ZNF462: variants seen among roughly 807,000 people sequenced by gnomAD.
ZNF462 encodes the protein zinc finger protein 462, also known as zinc finger PBX1-interacting protein.
ZNF462 carries 10 observed loss-of-function variants against 201.9 expected under a neutral mutation model. That is an observed-to-expected ratio of 0.05 (90% confidence interval 0.03 to 0.08). ZNF462 has a LOEUF of 0.08. Ranked by LOEUF, ZNF462 falls within the 10% of genes least tolerant of loss-of-function variation. ZNF462 has a pLI of 1.00. For synonymous variants in ZNF462, 1,227 were observed against 1,193.3 expected (o/e 1.03, Z -0.58); for missense variants, 2,523 against 3,168.3 (o/e 0.80, Z 4.89).
intron 6 of ZNF462, among the ~76,000 whole-genome samples, chr9:106,936,202 A>G: frequency 6.6e-6 from 1 of 152,214 alleles, no homozygotes; most frequent in Non-Finnish European, 1.5e-5. Flanking sequence ...ACAGTCAGTC[A>G]TCTATAATCT....
intron 1 of ZNF462, among the ~76,000 whole-genome samples, chr9:106,912,232 A>G (rs928541881): frequency 1.3e-5 from 2 of 148,594 alleles, no homozygotes; most frequent in Non-Finnish European, 3.0e-5. Context: ...TAAAGCTACT[A>G]CATAACATTG....
chr9:106,886,654 A>G lies in ZNF462; in HGVS notation c.-31+23299A>G, dbSNP rs1485220080. ...TCATCCCACTTAACCCCTTCATTTT[A>G]CAGCTCTGGAAAGGCTGAAATGATG... On this transcript the variant is annotated intron_variant, in intron 1 of 12. Transcript: ENST00000277225. The surrounding 1 kb of genome is among the most constrained non-coding windows in gnomAD (Gnocchi z 4.6). 6.6e-6 allele frequency among the ~76,000 whole-genome samples: 1 copy of G among 152,194 alleles called. No individual in the cohort carries two copies. The highest frequency in any genetic ancestry group is 2.4e-5 in the African/African-American group (1 of 41,448).
At position 106,923,633 on chromosome 9, in the gene ZNF462, A is replaced by G; in HGVS notation, c.220+30A>G. Reference sequence around the variant, plus strand: ...ATCTATACTAAACTTGGCACGGCCGATGTATTTTAATTGCTCTTGTTTCCT... The same window carrying G: ...ATCTATACTAAACTTGGCACGGCCGGTGTATTTTAATTGCTCTTGTTTCCT... On this transcript the variant is annotated intron_variant, in intron 2 of 12. Transcript: ENST00000277225. This position sits in a 1 kb window ranked among gnomAD's most constrained non-coding sequence, Gnocchi z 5.6. The G allele has an allele frequency of 6.3e-7, 1 of 1,598,958 alleles. No individual in the cohort carries two copies. Among genetic ancestry groups the G allele is most frequent in the Non-Finnish European group, 8.6e-7 (1 of 1,166,552 alleles).
At chr9:106,892,317 G>A (rs773333191) in intron 1 of ZNF462, among the ~76,000 whole-genome samples, 3 of 152,124 alleles carry the variant, frequency 2.0e-5, no homozygotes, top group Non-Finnish European at 2.9e-5. Flanking sequence ...AGATTAGGTA[G>A]CTATATACGT....
At chr9:106,903,806 A>C (rs550669726) in intron 1 of ZNF462, among the ~76,000 whole-genome samples, 2 of 152,150 alleles carry the variant, frequency 1.3e-5, no homozygotes, top group African/African-American at 2.4e-5. Flanking sequence ...AATTTATGTA[A>C]GTCCTTATGT....
At position 107,010,190 on chromosome 9, in the gene ZNF462, C is replaced by G. The variant is rs1174278621; in HGVS notation, c.7313+522C>G. On this transcript the variant is annotated intron_variant, in intron 12 of 12. Transcript: ENST00000277225. The surrounding 1 kb of genome is among the most constrained non-coding windows in gnomAD (Gnocchi z 4.6). ...CCCCTCAACAAGGCACGTTAGTCCA[C>G]CAGATGCAGAGAGAACCTAGGATGT... is the stretch of plus-strand genomic sequence containing the variant. Among the ~76,000 whole-genome samples, 2 of 152,118 alleles carry G rather than the reference C, an allele frequency of 1.3e-5. No individual in the cohort carries two copies. Among genetic ancestry groups the G allele is most frequent in the Non-Finnish European group, 2.9e-5 (2 of 68,008 alleles).
chr9:106,889,715 A>C (rs1387474661), intron 1 of ZNF462, among the ~76,000 whole-genome samples: 1 of 152,206 alleles, frequency 6.6e-6, no homozygotes, highest in Non-Finnish European at 1.5e-5. Flanking sequence ...CTCTACAGAA[A>C]TGAAAGACCT....
intron 1 of ZNF462, among the ~76,000 whole-genome samples, chr9:106,871,073 A>G (rs1827569987): frequency 6.6e-6 from 1 of 152,232 alleles, no homozygotes; most frequent in Non-Finnish European, 1.5e-5. Flanking sequence ...GTGCCTTAAC[A>G]TTGTACTTAT....
In ZNF462 at chr9:106,928,441, A is replaced by T; in HGVS notation, c.4529A>T (p.Asn1510Ile). 1 of 1,614,140 alleles carries T rather than the reference A, an allele frequency of 6.2e-7. No individual in the cohort carries two copies. The highest frequency in any genetic ancestry group is 8.5e-7 in the Non-Finnish European group (1 of 1,180,030). ...AADFAQDIDI[N>I]PGAVYKCRHC... ...GACTTTGCCCAGGACATTGACATCA[A>T]CCCAGGTGCCGTCTACAAATGCAGG... Residue 1510 changes from asparagine (N) to isoleucine (I), a missense_variant, in exon 3 of 13, where the codon AAC becomes ATC. Physicochemically the swap from Asn to Ile is moderately radical, Grantham distance 149. Around this residue, in one of 15 missense-constraint regions of ZNF462, gnomAD observed 200 missense variants for 281.3 expected, o/e 0.71. Coordinates refer to ENST00000277225, the MANE Select transcript of ZNF462 (RefSeq NM_021224.6). This position sits in a 1 kb window ranked among gnomAD's most constrained non-coding sequence, Gnocchi z 9.3.
upstream of ZNF462, among the ~76,000 whole-genome samples, chr9:106,861,660 G>T (rs963738303): frequency 6.6e-6 from 1 of 152,190 alleles, no homozygotes; most frequent in African/African-American, 2.4e-5. Flanking sequence ...TTGCTGCATT[G>T]ATTTTTTTGA....
chr9:106,986,989 ATAG>A (rs1827890293), intron 10 of ZNF462, among the ~76,000 whole-genome samples: 1 of 128,798 alleles, frequency 7.8e-6, no homozygotes, highest in Non-Finnish European at 1.7e-5. Context: ...AGATAGATAG[ATAG>A]ATAGATAGAT....
chr9:106,934,695 A>G (rs139272661), intron 5 of ZNF462, among the ~76,000 whole-genome samples: 49 of 152,340 alleles, frequency 3.2e-4, no homozygotes, highest in African/African-American at 1.1e-3. Context: ...CCGTTCCCAC[A>G]TGAGGCATTT....
In ZNF462 at chr9:106,902,134, G is replaced by A. The variant is rs1829090143; in HGVS notation, c.-30-21220G>A. ...CCAAGCGTTTTAATCATAAAGGGAT[G>A]CTGGATTTTGTCGAATGCTTTTTCT... On this transcript the variant is annotated intron_variant, in intron 1 of 12. Transcript: ENST00000277225. This position sits in a 1 kb window ranked among gnomAD's most constrained non-coding sequence, Gnocchi z 4.2. Among the ~76,000 whole-genome samples the A allele has an allele frequency of 6.6e-6, 1 of 152,100 alleles. No homozygotes were observed. The highest frequency in any genetic ancestry group is 2.4e-5 in the African/African-American group (1 of 41,426).
chr9:106,878,292 A>AT (rs1332611268), intron 1 of ZNF462, among the ~76,000 whole-genome samples: 1 of 152,180 alleles, frequency 6.6e-6, no homozygotes, highest in African/African-American at 2.4e-5. Context: ...GGCCCAATAA[A>AT]TGGCCATCTC....
chr9:106,969,074 A>T (rs534749756), intron 7 of ZNF462, among the ~76,000 whole-genome samples: 1 of 152,314 alleles, frequency 6.6e-6, no homozygotes, highest in South Asian at 2.1e-4. Context: ...ATTCCACGTG[A>T]GCGAGAGCGA....
intron 9 of ZNF462, among the ~76,000 whole-genome samples, chr9:106,983,850 T>G (rs1398349400): frequency 6.6e-6 from 1 of 152,194 alleles, no homozygotes; most frequent in African/African-American, 2.4e-5. Context: ...TCATTAATGT[T>G]GGTAAAAATT....
chr9:107,002,969 T>A lies in ZNF462; in HGVS notation c.7057-325T>A, dbSNP rs1379857540. On this transcript the variant is annotated intron_variant, in intron 10 of 12. Coordinates refer to ENST00000277225, the MANE Select transcript of ZNF462 (RefSeq NM_021224.6). The stretch of plus-strand genomic sequence containing the variant: ...CCTTTGAATTCAACTACAAAAAAAA[T>A]GTGTTTTGGATATTTACTCTATACT... Among the ~76,000 whole-genome samples, 3 of 152,278 alleles carry A rather than the reference T, an allele frequency of 2.0e-5. No individual in the cohort carries two copies. In the East Asian group the frequency reaches 5.8e-4, roughly 29 times the overall value.
chr9:106,887,371 G>A (rs541419399), intron 1 of ZNF462, among the ~76,000 whole-genome samples: 5 of 152,150 alleles, frequency 3.3e-5, no homozygotes, highest in Admixed American at 2.6e-4. Flanking sequence ...CTCTCCCTCC[G>A]TAAATGGAAG....
chr9:106,863,154 T>C (rs532028764), upstream of ZNF462: 67 of 398,918 alleles, frequency 1.7e-4, no homozygotes, highest in Non-Finnish European at 2.7e-4. Flanking sequence ...TCAGGTCATC[T>C]GCAGCTGCAG....
Sources: gnomAD v4.1 joint callset for allele counts (sites outside exome capture counted in the v4.1 genomes callset) on GRCh38, gnomAD v4.1.1 for gene constraint, gnomAD v4.1.1 regional missense constraint, Gnocchi (gnomAD v3.1) non-coding constraint, MANE v1.5 for transcripts, NCBI Gene and HGNC (gene_info 2026-07-23, HGNC 2026-07-21) for gene names.